DPRX: variants seen among roughly 807,000 people sequenced by gnomAD.
DPRX encodes the protein divergent paired-related homeobox.
In DPRX, 11 loss-of-function variants were observed where a neutral mutation model predicts 8.4. That is an observed-to-expected ratio of 1.31 (90% CI 0.82 to 2.17). DPRX has a LOEUF of 2.17. Among genes scored for constraint, DPRX ranks in the 30% most tolerant of loss-of-function variants. The pLI is 0.00. For synonymous variants in DPRX, 72 were observed against 87.0 expected (o/e 0.83, Z 0.96); for missense variants, 211 against 236.7 (o/e 0.89, Z 0.71).
chr19:53,627,201 A>G (rs753049486), upstream of DPRX, among the ~76,000 whole-genome samples: 11 of 152,152 alleles, frequency 7.2e-5, no homozygotes, highest in Non-Finnish European at 1.5e-5. Flanking sequence ...TATAATCCTG[A>G]GAATGATAAT....
Position 53,634,522 on chromosome 19 carries a change from T to A in DPRX, c.29-9T>A. 1 of 1,600,958 alleles carries A rather than the reference T, an allele frequency of 6.2e-7. No individual in the cohort carries two copies. ...TTTCCCATTTGTGTCTTTTTCCTCC[T>A]CTTTCAAGGCAAGGACCAGATGCAT... On this transcript the variant is annotated splice_polypyrimidine_tract_variant and intron_variant, in intron 1 of 2. Transcript: ENST00000376650.
At chr19:53,630,555 T>C (rs1275023244), upstream of DPRX, among the ~76,000 whole-genome samples, 1 of 151,878 alleles carries the variant, frequency 6.6e-6, no homozygotes, top group Admixed American at 6.6e-5. Context: ...TCACAGCTAC[T>C]TGGGGGCAAA....
chr19:53,636,925 T>G, exon 3 of DPRX: 1 of 1,613,636 alleles, frequency 6.2e-7, no homozygotes, highest in Non-Finnish European at 8.5e-7. Flanking sequence ...AATCCCAAGT[T>G]TGCGCTCCAA....
At chr19:53,627,474 T>C (rs1309554764), upstream of DPRX, among the ~76,000 whole-genome samples, 2 of 150,012 alleles carry the variant, frequency 1.3e-5, no homozygotes, top group Admixed American at 6.7e-5. Flanking sequence ...TTCACTCTTA[T>C]TGCCCAGGCT....
chr19:53,603,686 G>A, the DPRX span: 1 of 160,490 alleles, frequency 6.2e-6, no homozygotes, highest in East Asian at 1.8e-4. Flanking sequence ...AATAGTAAAT[G>A]GAAAAGTCCA....
upstream of DPRX, among the ~76,000 whole-genome samples, chr19:53,628,841 G>A (rs541311736): frequency 6.5e-4 from 99 of 151,218 alleles, no homozygotes; most frequent in African/African-American, 2.2e-3. Context: ...CACCCGCCTC[G>A]GCCTCTCAAG....
chr19:53,618,999 G>A, the DPRX span, among the ~76,000 whole-genome samples: 1 of 151,942 alleles, frequency 6.6e-6, no homozygotes. Flanking sequence ...TTTTATCCTT[G>A]TAACAGATTA....
chr19:53,630,212 C>CAAA (rs35045422), upstream of DPRX, among the ~76,000 whole-genome samples: 9 of 111,772 alleles, frequency 8.1e-5, no homozygotes, highest in African/African-American at 1.6e-4. Flanking sequence ...GACTCCATCT[C>CAAA]AAAAAAAAAA....
the DPRX span, among the ~76,000 whole-genome samples, chr19:53,625,926 C>T: frequency 2.0e-5 from 3 of 151,846 alleles, no homozygotes; most frequent in African/African-American, 7.3e-5. Flanking sequence ...GTGTGAGCCA[C>T]TGTGCCCAGT....
At chr19:53,620,200 G>T in the DPRX span, among the ~76,000 whole-genome samples, 1 of 151,976 alleles carries the variant, frequency 6.6e-6, no homozygotes, top group Admixed American at 6.6e-5. Context: ...CTCCCCAGTA[G>T]CTGGGACTAC....
chr19:53,608,296 G>T, the DPRX span: 1 of 145,582 alleles, frequency 6.9e-6, no homozygotes, highest in Admixed American at 7.1e-5. Context: ...ACCCCAGCTC[G>T]GCCCATTTGT....
At chr19:53,626,261 T>C in the DPRX span, among the ~76,000 whole-genome samples, 1 of 151,870 alleles carries the variant, frequency 6.6e-6, no homozygotes, top group East Asian at 1.9e-4. Flanking sequence ...GTATTTTTAG[T>C]AGAGATGGGT....
chr19:53,602,975 A>G, the DPRX span, among the ~76,000 whole-genome samples: 1 of 150,910 alleles, frequency 6.6e-6, no homozygotes, highest in Non-Finnish European at 1.5e-5. Flanking sequence ...TTTTAATTTT[A>G]TATATATATA....
At position 53,634,521 on chromosome 19, in the gene DPRX, C is replaced by G; in HGVS notation, c.29-10C>G. The G allele has an allele frequency of 6.3e-7, 1 of 1,599,330 alleles. No homozygotes were observed. The highest frequency in any genetic ancestry group is 1.4e-5 in the African/African-American group (1 of 74,058). ...ATTTCCCATTTGTGTCTTTTTCCTC[C>G]TCTTTCAAGGCAAGGACCAGATGCA... On this transcript the variant is annotated splice_polypyrimidine_tract_variant and intron_variant, in intron 1 of 2. Coordinates refer to ENST00000376650, the Ensembl canonical transcript of DPRX.
At chr19:53,612,661 T>A in the DPRX span, among the ~76,000 whole-genome samples, 1 of 151,856 alleles carries the variant, frequency 6.6e-6, no homozygotes, top group Non-Finnish European at 1.5e-5. Flanking sequence ...GAGCTGAGAT[T>A]GTGCCACGGC....
chr19:53,633,699 A>G (rs929453417), intron 1 of DPRX, among the ~76,000 whole-genome samples: 4 of 152,066 alleles, frequency 2.6e-5, no homozygotes, highest in Non-Finnish European at 5.9e-5. Flanking sequence ...TAGTAGAGAC[A>G]GGGTTTCACC....
chr19:53,616,936 A>G, the DPRX span: 17 of 1,308,402 alleles, frequency 1.3e-5, no homozygotes, highest in South Asian at 1.9e-4. Context: ...CTTCCTCATC[A>G]CCAGAGGAAT....
upstream of DPRX, among the ~76,000 whole-genome samples, chr19:53,631,772 A>T (rs1008608414): frequency 6.6e-6 from 1 of 152,092 alleles, no homozygotes; most frequent in Admixed American, 6.6e-5. Flanking sequence ...AGAAAAAGAA[A>T]AAAAGAAAAG....
intron 1 of DPRX, among the ~76,000 whole-genome samples, chr19:53,632,377 T>C (rs897091241): frequency 2.6e-5 from 4 of 152,102 alleles, no homozygotes; most frequent in African/African-American, 9.7e-5. Context: ...TTCGGCTCAC[T>C]GCAACCTCCA....
Sources: gnomAD v4.1 joint callset for allele counts (sites outside exome capture counted in the v4.1 genomes callset) on GRCh38, gnomAD v4.1.1 for gene constraint, MANE v1.5 for transcripts, NCBI Gene and HGNC (gene_info 2026-07-23, HGNC 2026-07-21) for gene names.